Variants in ACTR3B observed in about 807,000 individuals in gnomAD.
ACTR3B encodes the protein actin related protein 3B.
Under a neutral mutation model 59.0 loss-of-function variants are expected in ACTR3B, and 8 were observed. The ratio of observed to expected loss-of-function variants is 0.14; its 90% CI spans 0.08 to 0.24. ACTR3B has a LOEUF of 0.24. Among genes scored for constraint, ACTR3B ranks in the 10% least tolerant of loss-of-function variants. ACTR3B has a pLI of 1.00. For missense variants in ACTR3B, 245 were observed against 552.3 expected, an observed-to-expected ratio of 0.44 and a Z score of 5.58; for synonymous variants, 148 against 197.9, an observed-to-expected ratio of 0.75 and a Z score of 2.12.
At chr7:152,825,584 T>C (rs1796507598) in intron 9 of ACTR3B, among the ~76,000 whole-genome samples, 1 of 152,172 alleles carries the variant, frequency 6.6e-6, no homozygotes, top group Admixed American at 6.5e-5. Flanking sequence ...CCCAAAGTGC[T>C]GGGATTACAG....
intron 6 of ACTR3B, among the ~76,000 whole-genome samples, chr7:152,818,744 C>T (rs1054349133): frequency 3.9e-5 from 6 of 152,256 alleles, no homozygotes; most frequent in South Asian, 4.1e-4. Context: ...CCACTATGCC[C>T]GGCCTAAGCT....
intron 9 of ACTR3B, among the ~76,000 whole-genome samples, chr7:152,831,703 G>T (rs1797045606): frequency 6.6e-6 from 1 of 152,246 alleles, no homozygotes; most frequent in Non-Finnish European, 1.5e-5. Flanking sequence ...TCTGTGTGCA[G>T]CACTAGGGTG....
rs187145940 is a variant in ACTR3B, at chr7:152,814,531, A to G, written c.337-19A>G. The stretch of plus-strand genomic sequence containing the variant: ...TGAAATTCGGGTAAACACTAAATAT[A>G]GTGAATGTTTTCTTACAGACAGAAC... On this transcript the variant is annotated intron_variant, in intron 4 of 11. Coordinates refer to ENST00000256001, the MANE Select transcript of ACTR3B (RefSeq NM_020445.6). 2.1e-3 allele frequency: 3,211 copies of G among 1,532,202 alleles called. 55 individuals are homozygous for G. In the African/African-American group the frequency reaches 0.038, roughly 18 times the overall value. The allele number at this position is 1,532,202 out of a possible 1,614,324, so 94.9% of individuals were successfully genotyped here.
chr7:152,760,158 C>A (rs1336852174), intron 1 of ACTR3B, among the ~76,000 whole-genome samples: 1 of 152,038 alleles, frequency 6.6e-6, no homozygotes, highest in African/African-American at 2.4e-5. Context: ...AGGGTAGGGA[C>A]GCGGTGCCCA....
intron 1 of ACTR3B, among the ~76,000 whole-genome samples, chr7:152,775,060 C>T (rs142973020): frequency 0.012 from 1,872 of 151,970 alleles, 39 homozygotes; most frequent in African/African-American, 0.042. Flanking sequence ...GGCATGGTGT[C>T]GTGCACCTAT....
In ACTR3B at chr7:152,852,166, TCG is replaced by T; in HGVS notation, c.993_994del (p.Phe331LeufsTer15). ...GGAGGCTCCACCATGTTCAGGGATTTCGGACGCCGACTGCAGAGGGATTTGAA... is the reference window on the plus strand; with the variant it reads ...GGAGGCTCCACCATGTTCAGGGATTTGACGCCGACTGCAGAGGGATTTGAA... On this transcript the variant is annotated frameshift_variant, in exon 10 of 12. Coordinates refer to ENST00000256001, the MANE Select transcript of ACTR3B (RefSeq NM_020445.6). LOFTEE classifies it high-confidence loss of function. 2 of 1,614,042 alleles carry T rather than the reference TCG, an allele frequency of 1.2e-6. No individual in the cohort carries two copies. Among genetic ancestry groups the T allele is most frequent in the Non-Finnish European group, 1.7e-6 (2 of 1,179,990 alleles).
chr7:152,767,766 T>G (rs542616271), intron 1 of ACTR3B, among the ~76,000 whole-genome samples: 1 of 152,148 alleles, frequency 6.6e-6, no homozygotes, highest in South Asian at 2.1e-4. Flanking sequence ...CCATTTTATC[T>G]TGTTTTTCTT....
intron 9 of ACTR3B, among the ~76,000 whole-genome samples, chr7:152,829,919 C>G (rs1411731279): frequency 6.6e-6 from 1 of 152,134 alleles, no homozygotes; most frequent in African/African-American, 2.4e-5. Context: ...CTACTAGGTA[C>G]AAGACACTGT....
intron 4 of ACTR3B, chr7:152,812,017 G>GTTTTTTTTT (rs1156557265): frequency 4.4e-5 from 2 of 45,462 alleles, no homozygotes; most frequent in African/African-American, 1.9e-4. Context: ...GAAAATAAAA[G>GTTTTTTTTT]TCTTTTTTTT....
At chr7:152,837,067 T>C (rs1797519839) in intron 9 of ACTR3B, among the ~76,000 whole-genome samples, 1 of 152,238 alleles carries the variant, frequency 6.6e-6, no homozygotes, top group East Asian at 1.9e-4. Context: ...TCTCAGCTAC[T>C]TGGGAGACTG....
chr7:152,778,943 C>CAAAAAAAAAAAAAAAAAAAAAAA lies in ACTR3B; in HGVS notation c.45-4224_45-4202dup, dbSNP rs59789390. 5.4e-5 allele frequency among the ~76,000 whole-genome samples: 2 copies of CAAAAAAAAAAAAAAAAAAAAAAA among 36,826 alleles called. 1 individual carries two copies. The highest frequency in any genetic ancestry group is 8.8e-5 in the Non-Finnish European group (2 of 22,718). 24.2% of individuals were successfully genotyped at this position (36,826 alleles called of 152,430 possible). ...GGGTGACAGAGTGAGACTGTGTCTCCAAAAAAAAAAAAAAAAAAAAAAAAA... is the reference window on the plus strand; with the variant it reads ...GGGTGACAGAGTGAGACTGTGTCTCCAAAAAAAAAAAAAAAAAAAAAAAAAAAAAAAAAAAAAAAAAAAAAAAA... On this transcript the variant is annotated intron_variant, in intron 1 of 11. Coordinates refer to ENST00000256001, the MANE Select transcript of ACTR3B (RefSeq NM_020445.6).
At chr7:152,778,038 A>G (rs374929211) in intron 1 of ACTR3B, among the ~76,000 whole-genome samples, 2 of 152,052 alleles carry the variant, frequency 1.3e-5, no homozygotes, top group African/African-American at 4.8e-5. Flanking sequence ...TGTAATATCT[A>G]ATTCTTCCTA....
intron 10 of ACTR3B, among the ~76,000 whole-genome samples, chr7:152,853,201 G>T (rs538582127): frequency 6.6e-6 from 1 of 152,150 alleles, no homozygotes; most frequent in Non-Finnish European, 1.5e-5. Flanking sequence ...AAGCAGTGGG[G>T]TTAATTGCTT....
At chr7:152,783,043 G>GTGTT (rs2098159863) in intron 1 of ACTR3B, 144 bp from the exon 2 acceptor site, 1 of 298,670 alleles carries the variant, frequency 3.3e-6, no homozygotes, top group African/African-American at 2.4e-5. Flanking sequence ...GTGATCACAA[G>GTGTT]TTTTTTTTTT....
intron 9 of ACTR3B, among the ~76,000 whole-genome samples, chr7:152,827,085 G>A (rs1172323709): frequency 6.7e-6 from 1 of 148,424 alleles, no homozygotes; most frequent in Admixed American, 6.8e-5. Flanking sequence ...GGGCTCAAGC[G>A]ATCCTCCTGC....
intron 9 of ACTR3B, among the ~76,000 whole-genome samples, chr7:152,825,698 A>T (rs1199544134): frequency 1.3e-5 from 2 of 152,190 alleles, no homozygotes; most frequent in African/African-American, 4.8e-5. Context: ...TTTAGCCACA[A>T]ATATCGATGG....
intron 1 of ACTR3B, among the ~76,000 whole-genome samples, chr7:152,769,901 TA>T (rs575332763): frequency 1.3e-5 from 2 of 151,872 alleles, no homozygotes; most frequent in Admixed American, 1.3e-4. Context: ...TACTTCTAAT[TA>T]AAAAAATTAT....
chr7:152,809,550 G>C (rs533517323), intron 4 of ACTR3B, among the ~76,000 whole-genome samples: 12 of 146,002 alleles, frequency 8.2e-5, no homozygotes, highest in Non-Finnish European at 1.7e-4. Context: ...TTTTTTTTTT[G>C]TTTTTTTTTG....
chr7:152,769,154 C>T (rs1433733836), intron 1 of ACTR3B, among the ~76,000 whole-genome samples: 1 of 151,842 alleles, frequency 6.6e-6, no homozygotes, highest in Admixed American at 6.6e-5. Context: ...TGTCTGGGCT[C>T]ACATTTTTGT....
Sources: allele counts gnomAD v4.1 joint callset (sites outside exome capture counted in the v4.1 genomes callset), GRCh38; gene constraint gnomAD v4.1.1; transcripts MANE v1.5; gene names NCBI Gene and HGNC (gene_info 2026-07-23, HGNC 2026-07-21).